Variants in TNRC6C observed in about 807,000 individuals in gnomAD.
The protein encoded by TNRC6C is trinucleotide repeat containing adaptor 6C.
Under a neutral mutation model 153.7 loss-of-function variants are expected in TNRC6C, and 20 were observed. The ratio of observed to expected loss-of-function variants is 0.13; its 90% confidence interval spans 0.09 to 0.19. The LOEUF is 0.19. Among genes scored for constraint, TNRC6C ranks in the 10% least tolerant of loss-of-function variants. The pLI is 1.00. For synonymous variants in TNRC6C, 811 were observed against 841.4 expected (o/e 0.96, Z 0.63); for missense variants, 1,987 against 2,172.0 (o/e 0.91, Z 1.69).
In TNRC6C at chr17:78,075,429, T is replaced by A; in HGVS notation, c.3060+151T>A. On this transcript the variant is annotated intron_variant, in intron 8 of 19. Coordinates refer to ENST00000301624, the Ensembl canonical transcript of TNRC6C. The surrounding 1 kb of genome is among the most constrained non-coding windows in gnomAD (Gnocchi z 4.2). ...ATTTTTTTCTAACATTATGAACATT[T>A]AACTCAAAGAAGGGAATGTCGTATT... 3.4e-6 allele frequency: 3 copies of A among 891,406 alleles called. No individual in the cohort carries two copies. The highest frequency in any genetic ancestry group is 5.0e-6 in the Non-Finnish European group (3 of 604,664). The allele number at this position is 891,406 out of a possible 1,614,324, so 55.2% of individuals were successfully genotyped here. A position where few individuals can be genotyped will look rare whatever the true frequency, so the allele number is the denominator to read the frequency against.
At chr17:78,063,494 C>A (rs2072811074) in intron 3 of TNRC6C, among the ~76,000 whole-genome samples, 1 of 151,920 alleles carries the variant, frequency 6.6e-6, no homozygotes, top group African/African-American at 2.4e-5. Flanking sequence ...CAAGGGTCAC[C>A]TGTGATTCTA....
intron 1 of TNRC6C, among the ~76,000 whole-genome samples, chr17:77,982,782 GA>G (rs1441582425): frequency 1.3e-5 from 2 of 152,202 alleles, no homozygotes; most frequent in Non-Finnish European, 2.9e-5. Flanking sequence ...AGTGAGCCGA[GA>G]TTGTGCCACT....
intron 1 of TNRC6C, among the ~76,000 whole-genome samples, chr17:78,022,656 T>G (rs2143576175): frequency 6.6e-6 from 1 of 152,318 alleles, no homozygotes; most frequent in South Asian, 2.1e-4. Flanking sequence ...TCAGCTCAAA[T>G]TCTTTGCTTC....
chr17:77,993,497 C>T (rs745385774), intron 1 of TNRC6C, among the ~76,000 whole-genome samples: 1 of 152,270 alleles, frequency 6.6e-6, no homozygotes, highest in East Asian at 1.9e-4. Flanking sequence ...CTAATAAATA[C>T]TTGTTAGTAT....
At chr17:77,981,770 C>T (rs756293131) in intron 1 of TNRC6C, among the ~76,000 whole-genome samples, 25 of 152,086 alleles carry the variant, frequency 1.6e-4, no homozygotes, top group Non-Finnish European at 2.8e-4. Flanking sequence ...CCGCTATGCC[C>T]GTTAGTTTAC....
At chr17:78,056,991 A>G (rs2144096383) in intron 3 of TNRC6C, among the ~76,000 whole-genome samples, 1 of 152,210 alleles carries the variant, frequency 6.6e-6, no homozygotes, top group East Asian at 1.9e-4. Flanking sequence ...CTCCCCTGCA[A>G]CTTTTGCAGC....
intron 1 of TNRC6C, among the ~76,000 whole-genome samples, chr17:77,998,934 G>T (rs1208085859): frequency 6.6e-6 from 1 of 152,182 alleles, no homozygotes; most frequent in Non-Finnish European, 1.5e-5. Context: ...GTTTTAGCAG[G>T]CAATCAGCCT....
At chr17:77,991,309 G>T (rs2071246025) in intron 1 of TNRC6C, among the ~76,000 whole-genome samples, 1 of 152,154 alleles carries the variant, frequency 6.6e-6, no homozygotes, top group Middle Eastern at 3.2e-3. Context: ...TTTTGTTTTA[G>T]AAAAATTATT....
At chr17:78,086,856 G>A in exon 13 of TNRC6C, 1 of 1,611,632 alleles carries the variant, frequency 6.2e-7, no homozygotes. Flanking sequence ...CTGCCAGGTT[G>A]CGCGCACAAT....
rs115007682 is a variant in TNRC6C, at chr17:78,038,197, G to C, written c.-219+6355G>C. Among the ~76,000 whole-genome samples, 31 of 152,272 alleles carry C rather than the reference G, an allele frequency of 2.0e-4. 1 individual carries two copies. Among genetic ancestry groups the C allele is most frequent in the Middle Eastern group, 3.4e-3 (1 of 294 alleles). ...GAGTGTATAAAAATTTAAAAGTTTT[G>C]TACATGAATATGAATAAAATCTGAG... On this transcript the variant is annotated intron_variant, in intron 2 of 19. Coordinates refer to ENST00000301624, the Ensembl canonical transcript of TNRC6C.
intron 3 of TNRC6C, among the ~76,000 whole-genome samples, chr17:78,059,895 C>T (rs539266394): frequency 3.3e-5 from 5 of 151,232 alleles, no homozygotes; most frequent in African/African-American, 9.7e-5. Flanking sequence ...CCCCCGCCAC[C>T]GATAGCAGTA....
chr17:78,016,590 G>C (rs1171253338), intron 1 of TNRC6C, among the ~76,000 whole-genome samples: 2 of 152,176 alleles, frequency 1.3e-5, no homozygotes, highest in African/African-American at 2.4e-5. Context: ...GGGTGGTTTA[G>C]AACCAGAGTA....
intron 2 of TNRC6C, among the ~76,000 whole-genome samples, chr17:78,046,458 G>A (rs2072412587): frequency 6.6e-6 from 1 of 152,180 alleles, no homozygotes; most frequent in South Asian, 2.1e-4. Context: ...GATTACAGGC[G>A]AGAGCCACTG....
chr17:77,987,642 T>A (rs1055165715), intron 1 of TNRC6C, among the ~76,000 whole-genome samples: 1 of 152,168 alleles, frequency 6.6e-6, no homozygotes, highest in Admixed American at 6.5e-5. Flanking sequence ...TATTTTGTTG[T>A]CATTACAAAT....
intron 13 of TNRC6C, among the ~76,000 whole-genome samples, chr17:78,088,832 T>C (rs1301954836): frequency 1.3e-5 from 2 of 152,142 alleles, no homozygotes; most frequent in Non-Finnish European, 2.9e-5. Flanking sequence ...CAGCTACTTA[T>C]GTAAGTGCTT....
At chr17:78,047,416 C>A (rs2072434105) in intron 2 of TNRC6C, among the ~76,000 whole-genome samples, 1 of 152,126 alleles carries the variant, frequency 6.6e-6, no homozygotes, top group South Asian at 2.1e-4. Context: ...GTAGTTTTCA[C>A]CTGGAATTAC....
chr17:78,006,545 TCTTCTTCTTCTTCTTCCTTCTTC>T (rs1567910928), intron 1 of TNRC6C, among the ~76,000 whole-genome samples: 2 of 129,168 alleles, frequency 1.5e-5, no homozygotes, highest in Admixed American at 1.5e-4. Context: ...TTCTTCTTCT[TCTTCTTCTTCTTCTTCCTTCTTC>T]CTTCTTCCTT....
At chr17:78,001,572 GAGGGAGAGAGA>G (rs1285659813), upstream of TNRC6C, among the ~76,000 whole-genome samples, 1 of 152,198 alleles carries the variant, frequency 6.6e-6, no homozygotes, top group East Asian at 1.9e-4. Flanking sequence ...TCAGTAGGGG[GAGGGAGAGAGA>G]AGGGAGATCC....
In TNRC6C at chr17:78,006,828, ATTT is replaced by A. The variant is rs113977025; in HGVS notation, c.-546+1761_-546+1763del. On this transcript the variant is annotated intron_variant, in intron 1 of 19. Transcript: ENST00000301624. ...TTTTCTTTTATTTATTTATTTATTT[ATTT>A]TTTTTTTTTTTGAGATGGAGTCTTG... is the stretch of plus-strand genomic sequence containing the variant. Among the ~76,000 whole-genome samples the A allele has an allele frequency of 1.3e-3, 187 of 143,904 alleles. 1 individual carries two copies. The highest frequency in any genetic ancestry group is 4.5e-3 in the African/African-American group (177 of 39,004). 94.4% of individuals were successfully genotyped at this position (143,904 alleles called of 152,430 possible). A position where few individuals can be genotyped will look rare whatever the true frequency, so the allele number is the denominator to read the frequency against.
Sources: allele counts gnomAD v4.1 joint callset (sites outside exome capture counted in the v4.1 genomes callset), GRCh38; gene constraint gnomAD v4.1.1; non-coding constraint Gnocchi (gnomAD v3.1); transcripts MANE v1.5; gene names NCBI Gene and HGNC (gene_info 2026-07-23, HGNC 2026-07-21).